The following GSTT4 variants were observed in gnomAD, a reference collection of about 807,000 sequenced individuals.
GSTT4 encodes glutathione S-transferase theta-4.
chr22:23,995,632 A>T (rs187995787), downstream of GSTT4, among the ~76,000 whole-genome samples: 3 of 133,304 alleles, frequency 2.3e-5, no homozygotes, highest in Admixed American at 2.3e-4. Context: ...GTCCATGTCT[A>T]TGTTGCCAAA....
the GSTT4 span, among the ~76,000 whole-genome samples, chr22:23,991,725 T>C: frequency 7.0e-6 from 1 of 142,380 alleles, no homozygotes; most frequent in African/African-American, 2.5e-5. Context: ...CACCCCTTTC[T>C]GGGAATCTAG....
downstream of GSTT4, among the ~76,000 whole-genome samples, chr22:23,993,591 T>G (rs1412442732): frequency 2.0e-5 from 3 of 152,340 alleles, no homozygotes; most frequent in East Asian, 5.8e-4. Context: ...CTGCAAGGTA[T>G]GTTTTTTTCT....
At chr22:23,992,389 G>A in the GSTT4 span, among the ~76,000 whole-genome samples, 1 of 148,152 alleles carries the variant, frequency 6.7e-6, no homozygotes, top group Admixed American at 6.9e-5. Context: ...ACCAAGCAAG[G>A]ATGTGGGATA....
downstream of GSTT4, among the ~76,000 whole-genome samples, chr22:23,997,676 T>C (rs1172054039): frequency 6.6e-6 from 1 of 152,204 alleles, no homozygotes; most frequent in Non-Finnish European, 1.5e-5. Context: ...TTTATCTCCA[T>C]TCTAATCTTT....
downstream of GSTT4, among the ~76,000 whole-genome samples, chr22:23,994,029 T>G (rs951539654): frequency 5.9e-5 from 9 of 152,176 alleles, no homozygotes; most frequent in Non-Finnish European, 1.2e-4. Context: ...TGGGGCTGAG[T>G]AAAAGGCACT....
chr22:23,995,989 G>T (rs2034111802), downstream of GSTT4, among the ~76,000 whole-genome samples: 1 of 152,022 alleles, frequency 6.6e-6, no homozygotes, highest in Non-Finnish European at 1.5e-5. Flanking sequence ...AGTCACCCAG[G>T]CTGGAGTGCA....
At chr22:23,992,381 C>A in the GSTT4 span, among the ~76,000 whole-genome samples, 2 of 147,630 alleles carry the variant, frequency 1.4e-5, no homozygotes. Context: ...CACAGGGCAC[C>A]AAGCAAGGAT....
chr22:23,996,342 G>A (rs2034114803), downstream of GSTT4, among the ~76,000 whole-genome samples: 4 of 152,248 alleles, frequency 2.6e-5, no homozygotes, highest in South Asian at 8.3e-4. Context: ...TTCTGATCTA[G>A]ATTCCACCTT....
chr22:23,991,700 T>C, the GSTT4 span, among the ~76,000 whole-genome samples: 2 of 141,442 alleles, frequency 1.4e-5, no homozygotes, highest in East Asian at 2.0e-4. Flanking sequence ...ATCAGTGGCG[T>C]GTCTGCTCTC....
At chr22:23,999,212 T>C (rs1426447999) in intron 4 of GSTT4, among the ~76,000 whole-genome samples, 1 of 150,768 alleles carries the variant, frequency 6.6e-6, no homozygotes, top group African/African-American at 2.4e-5. Context: ...AGAGTTTGGT[T>C]TGCACCCAAG....
intron 2 of GSTT4, among the ~76,000 whole-genome samples, chr22:24,002,424 A>G (rs1021433584): frequency 2.1e-4 from 32 of 152,292 alleles, no homozygotes; most frequent in African/African-American, 7.7e-4. Flanking sequence ...CCTCCGCAGA[A>G]CAAGGGCTCC....
At chr22:24,000,609 A>G (rs1193325423) in intron 3 of GSTT4, among the ~76,000 whole-genome samples, 2 of 143,020 alleles carry the variant, frequency 1.4e-5, no homozygotes, top group Non-Finnish European at 3.0e-5. Context: ...CCCAGGCTGG[A>G]GTGCAGTGGC....
chr22:23,991,736 G>A, the GSTT4 span, among the ~76,000 whole-genome samples: 1 of 142,926 alleles, frequency 7.0e-6, no homozygotes, highest in East Asian at 2.0e-4. Context: ...GGGAATCTAG[G>A]CTGCAGGTAT....
At chr22:24,000,751 G>A (rs2034212297) in intron 3 of GSTT4, among the ~76,000 whole-genome samples, 1 of 135,834 alleles carries the variant, frequency 7.4e-6, no homozygotes, top group African/African-American at 3.2e-5. Context: ...AGTAGAGATG[G>A]TGTTTCACAA....
chr22:23,999,449 G>A (rs1035867948), intron 4 of GSTT4, among the ~76,000 whole-genome samples: 9 of 103,286 alleles, frequency 8.7e-5, no homozygotes, highest in East Asian at 2.6e-4. Context: ...CCCTCCTCTC[G>A]GGCATATCTC....
chr22:23,989,773 T>C, the GSTT4 span, among the ~76,000 whole-genome samples: 74,994 of 143,722 alleles, frequency 0.52, 17,546 homozygotes, highest in South Asian at 0.61. Flanking sequence ...CACTTTAGCA[T>C]TCTAGGCCAG....
chr22:23,997,864 T>C (rs1206600182), downstream of GSTT4, among the ~76,000 whole-genome samples: 1 of 152,164 alleles, frequency 6.6e-6, no homozygotes, highest in East Asian at 1.9e-4. Flanking sequence ...GCATGTTGTG[T>C]TTTCATTTTT....
At chr22:24,002,635 C>G (rs969033192) in intron 2 of GSTT4, among the ~76,000 whole-genome samples, 1 of 152,108 alleles carries the variant, frequency 6.6e-6, no homozygotes, top group Non-Finnish European at 1.5e-5. Flanking sequence ...TCGAGACCAT[C>G]CTGGTTAACA....
intron 1 of GSTT4, 74 bp downstream of exon 1, chr22:24,005,171 A>C (rs41277305): frequency 0.2 from 9,280 of 47,514 alleles, 433 homozygotes; most frequent in African/African-American, 0.31. Flanking sequence ...AAAACAAGAA[A>C]AAAAGAAAAG....
Sources: allele counts gnomAD v4.1 joint callset (sites outside exome capture counted in the v4.1 genomes callset), GRCh38; gene constraint gnomAD v4.1.1; transcripts MANE v1.5; gene names NCBI Gene and HGNC (gene_info 2026-07-23, HGNC 2026-07-21).